The following SHLD1 variants were observed in gnomAD, a reference collection of about 807,000 sequenced individuals.
SHLD1 encodes the protein RINN1-REV7-interacting novel NHEJ regulator 3.
In SHLD1, 3 loss-of-function variants were observed where a neutral mutation model predicts 5.5. The observed-to-expected ratio is 0.54, with a 90% confidence interval of 0.25 to 1.40. The LOEUF (loss-of-function observed/expected upper bound fraction) is 1.40. Among genes scored for constraint, SHLD1 ranks in the 40% most tolerant of loss-of-function variants. The pLI is 0.15. For missense variants in SHLD1, 210 were observed against 244.4 expected, an observed-to-expected ratio of 0.86 and a Z score of 0.94; for synonymous variants, 92 against 94.3, an observed-to-expected ratio of 0.98 and a Z score of 0.14.
intron 1 of SHLD1, 46 bp from the exon 2 acceptor site, chr20:5,772,816 T>C: frequency 6.6e-7 from 1 of 1,512,026 alleles, no homozygotes; most frequent in African/African-American, 1.4e-5. Context: ...AGGATCCTGC[T>C]ATGTGGTGCC....
chr20:5,829,346 A>C (rs2087702175), intron 2 of SHLD1, among the ~76,000 whole-genome samples: 1 of 152,218 alleles, frequency 6.6e-6, no homozygotes, highest in African/African-American at 2.4e-5. Context: ...TTTGAGGTTT[A>C]ACATTCTGAC....
At chr20:5,772,000 A>G in intron 1 of SHLD1, 1 of 430,128 alleles carries the variant, frequency 2.3e-6, no homozygotes, top group Non-Finnish European at 4.6e-6. Context: ...TCTGACTCCC[A>G]AGTAGCTGGG....
intron 2 of SHLD1, among the ~76,000 whole-genome samples, chr20:5,834,016 T>C (rs1427000599): frequency 6.6e-6 from 1 of 152,232 alleles, no homozygotes; most frequent in Non-Finnish European, 1.5e-5. Flanking sequence ...AAGTGGTATT[T>C]ACATTTGATT....
At chr20:5,839,481 AT>A (rs1388838967) in intron 2 of SHLD1, among the ~76,000 whole-genome samples, 2 of 115,522 alleles carry the variant, frequency 1.7e-5, no homozygotes, top group Admixed American at 1.0e-4. Flanking sequence ...GATAAATTAG[AT>A]AGAAAGATAG....
chr20:5,859,021 A>G (rs2088125465), intron 2 of SHLD1, among the ~76,000 whole-genome samples: 1 of 152,188 alleles, frequency 6.6e-6, no homozygotes, highest in African/African-American at 2.4e-5. Flanking sequence ...TTCAATTTAA[A>G]TAATACCAGA....
At chr20:5,772,476 T>G (rs953136064) in intron 1 of SHLD1, among the ~76,000 whole-genome samples, 3 of 152,188 alleles carry the variant, frequency 2.0e-5, no homozygotes, top group Non-Finnish European at 4.4e-5. Flanking sequence ...CAATTTGAAA[T>G]TTATGAATTG....
chr20:5,813,928 C>T (rs1010346271), intron 2 of SHLD1, among the ~76,000 whole-genome samples: 1 of 150,108 alleles, frequency 6.7e-6, no homozygotes. Context: ...TTCTCAAACA[C>T]CTTTTTCCTT....
At chr20:5,790,111 C>G (rs922804570) in intron 2 of SHLD1, among the ~76,000 whole-genome samples, 3 of 152,156 alleles carry the variant, frequency 2.0e-5, no homozygotes, top group African/African-American at 7.2e-5. Context: ...CCTCTTTGTT[C>G]CCCTGGGCCA....
At chr20:5,799,994 A>G (rs1307418249) in intron 2 of SHLD1, among the ~76,000 whole-genome samples, 1 of 116,582 alleles carries the variant, frequency 8.6e-6, no homozygotes, top group Non-Finnish European at 1.8e-5. Context: ...ATACGTGATT[A>G]TTGCTAGAGC....
intron 2 of SHLD1, among the ~76,000 whole-genome samples, chr20:5,798,439 A>G (rs1216354355): frequency 6.7e-6 from 1 of 150,128 alleles, no homozygotes; most frequent in East Asian, 2.0e-4. Context: ...AGTAGATGGG[A>G]CTACAGGCGC....
chr20:5,792,963 C>T (rs1231914064), intron 2 of SHLD1, among the ~76,000 whole-genome samples: 1 of 152,232 alleles, frequency 6.6e-6, no homozygotes, highest in African/African-American at 2.4e-5. Context: ...GCATGAGCCA[C>T]CACGCCTGGC....
intron 2 of SHLD1, among the ~76,000 whole-genome samples, chr20:5,792,679 T>TA (rs57720731): frequency 8.0e-4 from 114 of 142,926 alleles, no homozygotes; most frequent in Middle Eastern, 3.5e-3. Context: ...TTCTTTTTTT[T>TA]AAAAAAAAAA....
chr20:5,862,793 TC>T (rs1391997052), intron 2 of SHLD1, among the ~76,000 whole-genome samples: 2 of 152,180 alleles, frequency 1.3e-5, no homozygotes, highest in Non-Finnish European at 2.9e-5. Context: ...TACAGGGACA[TC>T]GGGCTAAGAA....
chr20:5,830,482 C>T (rs1189685405), intron 2 of SHLD1, among the ~76,000 whole-genome samples: 1 of 152,066 alleles, frequency 6.6e-6, no homozygotes, highest in African/African-American at 2.4e-5. Context: ...GAGTTCTAGA[C>T]CAGCCTGACC....
chr20:5,807,525 C>T (rs1305279922), intron 2 of SHLD1, among the ~76,000 whole-genome samples: 2 of 152,100 alleles, frequency 1.3e-5, no homozygotes, highest in African/African-American at 4.8e-5. Flanking sequence ...TGTGTTCCAC[C>T]ATGCTTGGCT....
intron 2 of SHLD1, among the ~76,000 whole-genome samples, chr20:5,811,365 G>GA (rs1357209391): frequency 1.3e-5 from 2 of 152,084 alleles, no homozygotes; most frequent in Admixed American, 1.3e-4. Flanking sequence ...TATCAGATTA[G>GA]AAAACATATG....
intron 1 of SHLD1, among the ~76,000 whole-genome samples, chr20:5,764,139 A>AAAAATAT (rs1555768309): frequency 2.1e-5 from 2 of 95,712 alleles, no homozygotes; most frequent in African/African-American, 9.5e-5. Context: ...AAAAAAAAAA[A>AAAAATAT]ATATATATAT....
At chr20:5,858,968 A>C (rs1379275683) in intron 2 of SHLD1, among the ~76,000 whole-genome samples, 1 of 152,212 alleles carries the variant, frequency 6.6e-6, no homozygotes, top group African/African-American at 2.4e-5. Context: ...ATTTCTAAAG[A>C]AATCCTATTC....
chr20:5,848,444 G>A (rs761840686), intron 2 of SHLD1, among the ~76,000 whole-genome samples: 2 of 152,318 alleles, frequency 1.3e-5, no homozygotes, highest in African/African-American at 4.8e-5. Context: ...ACTTGAACCC[G>A]GGAGGCAGAG....
Sources: allele counts gnomAD v4.1 joint callset (sites outside exome capture counted in the v4.1 genomes callset), GRCh38; gene constraint gnomAD v4.1.1; transcripts MANE v1.5; gene names NCBI Gene and HGNC (gene_info 2026-07-23, HGNC 2026-07-21).